The following DLG2 variants were observed in gnomAD, a reference collection of about 807,000 sequenced individuals.
The protein encoded by DLG2 is discs large MAGUK scaffold protein 2.
Under a neutral mutation model 132.5 loss-of-function variants are expected in DLG2, and 45 were observed. That is an observed-to-expected ratio of 0.34 (90% CI 0.27 to 0.44). The LOEUF is 0.44. DLG2 is among the 20% of genes least tolerant of loss of function. The pLI is 1.00. For missense variants in DLG2, 1,045 were observed against 1,196.9 expected, an observed-to-expected ratio of 0.87 and a Z score of 1.87; for synonymous variants, 424 against 419.6, an observed-to-expected ratio of 1.01 and a Z score of -0.13.
In DLG2 at chr11:84,823,456, T is replaced by C. The variant is rs796599395; in HGVS notation, c.357+288205A>G. Among the ~76,000 whole-genome samples, 209 of 151,844 alleles carry C rather than the reference T, an allele frequency of 1.4e-3. 4 individuals carry two copies. The highest frequency in any genetic ancestry group is 4.8e-3 in the African/African-American group (198 of 41,478). ...CAGCCTCTAACCTTTTTACTTGCTA[T>C]TCCCTCTACTTTCTCCTAGGTAATA... is the stretch of plus-strand genomic sequence containing the variant. On this transcript the variant is annotated intron_variant, in intron 6 of 27. Transcript: ENST00000376104.
At chr11:85,397,110 C>T (rs981969729) in intron 3 of DLG2, among the ~76,000 whole-genome samples, 63 of 152,208 alleles carry the variant, frequency 4.1e-4, no homozygotes, top group Non-Finnish European at 1.8e-4. Flanking sequence ...CAGAAGAGAG[C>T]AGGGGCCAAT....
intron 6 of DLG2, among the ~76,000 whole-genome samples, chr11:84,949,099 A>C (rs539191077): frequency 6.6e-6 from 1 of 152,286 alleles, no homozygotes; most frequent in East Asian, 1.9e-4. Flanking sequence ...TTGAGAAATA[A>C]AGGGACAGAG....
chr11:83,731,201 T>C (rs1200753636), intron 18 of DLG2, among the ~76,000 whole-genome samples: 2 of 152,194 alleles, frequency 1.3e-5, no homozygotes, highest in Non-Finnish European at 2.9e-5. Flanking sequence ...ACATGTGCCA[T>C]GGTGTTTTGC....
At chr11:83,875,790 T>C (rs1345503538) in intron 15 of DLG2, among the ~76,000 whole-genome samples, 1 of 152,130 alleles carries the variant, frequency 6.6e-6, no homozygotes, top group Non-Finnish European at 1.5e-5. Flanking sequence ...CCACAGAGAA[T>C]CAAACTACAG....
intron 6 of DLG2, among the ~76,000 whole-genome samples, chr11:84,928,370 T>A (rs1283599324): frequency 1.3e-5 from 2 of 151,942 alleles, no homozygotes; most frequent in African/African-American, 4.8e-5. Flanking sequence ...TGCCACAGAG[T>A]ATTCCTCTGT....
chr11:83,601,699 T>C (rs1324871564), intron 19 of DLG2, among the ~76,000 whole-genome samples: 2 of 139,478 alleles, frequency 1.4e-5, no homozygotes, highest in African/African-American at 5.7e-5. Context: ...TATTTCTTTC[T>C]TTTTTTTTTT....
intron 18 of DLG2, among the ~76,000 whole-genome samples, chr11:83,718,358 G>T (rs111362558): frequency 3.3e-5 from 5 of 152,048 alleles, no homozygotes; most frequent in African/African-American, 1.2e-4. Context: ...CCAAGATGGT[G>T]AAACTCTGTC....
At chr11:84,824,337 G>A (rs987839700) in intron 6 of DLG2, among the ~76,000 whole-genome samples, 4 of 151,852 alleles carry the variant, frequency 2.6e-5, no homozygotes, top group Non-Finnish European at 4.4e-5. Context: ...TAAGAGAAGA[G>A]AACAATGTTA....
intron 7 of DLG2, among the ~76,000 whole-genome samples, chr11:84,328,643 G>A (rs1025067542): frequency 6.9e-5 from 10 of 145,352 alleles, no homozygotes; most frequent in African/African-American, 1.5e-4. Flanking sequence ...TTTATCAAAC[G>A]GTTAAAAAAA....
chr11:84,197,528 T>C (rs752842975), intron 8 of DLG2, among the ~76,000 whole-genome samples: 1 of 152,038 alleles, frequency 6.6e-6, no homozygotes. Context: ...ACAAATCAAA[T>C]ACAAATCACT....
At chr11:84,888,574 C>T (rs1365236670) in intron 6 of DLG2, among the ~76,000 whole-genome samples, 1 of 152,054 alleles carries the variant, frequency 6.6e-6, no homozygotes, top group Admixed American at 6.6e-5. Flanking sequence ...ATCTCTTTCT[C>T]TCCTTTTTAT....
intron 3 of DLG2, among the ~76,000 whole-genome samples, chr11:85,416,646 G>A (rs77210324): frequency 6.6e-6 from 1 of 152,098 alleles, no homozygotes; most frequent in African/African-American, 2.4e-5. Flanking sequence ...TCTCCTTGAA[G>A]AGGTCCTTCC....
At chr11:85,399,044 C>G (rs979962287) in intron 3 of DLG2, among the ~76,000 whole-genome samples, 12 of 152,098 alleles carry the variant, frequency 7.9e-5, no homozygotes, top group Non-Finnish European at 1.8e-4. Context: ...TTGTCTCAGC[C>G]CAAAATCTCC....
chr11:83,588,169 C>A (rs2097124929), intron 19 of DLG2, among the ~76,000 whole-genome samples: 1 of 151,826 alleles, frequency 6.6e-6, no homozygotes, highest in Admixed American at 6.6e-5. Context: ...GTAGGCTCCA[C>A]CTCTGGGGGC....
chr11:84,145,507 GTTGTA>G (rs1175682104), intron 9 of DLG2, among the ~76,000 whole-genome samples: 3 of 152,198 alleles, frequency 2.0e-5, no homozygotes, highest in Non-Finnish European at 2.9e-5. Context: ...TGGGACCACT[GTTGTA>G]TAGGCAGTTT....
intron 3 of DLG2, among the ~76,000 whole-genome samples, chr11:85,450,724 A>G (rs2092208580): frequency 6.6e-6 from 1 of 152,190 alleles, no homozygotes; most frequent in South Asian, 2.1e-4. Context: ...TCGCACAAAG[A>G]TAAAACTTAG....
At chr11:84,136,845 G>T (rs1337803646) in intron 9 of DLG2, among the ~76,000 whole-genome samples, 1 of 152,126 alleles carries the variant, frequency 6.6e-6, no homozygotes, top group Non-Finnish European at 1.5e-5. Flanking sequence ...GGAGCTGAAA[G>T]ATCTATTGCA....
intron 6 of DLG2, among the ~76,000 whole-genome samples, chr11:85,097,888 C>A (rs1006706017): frequency 2.6e-5 from 4 of 152,184 alleles, no homozygotes; most frequent in African/African-American, 9.7e-5. Flanking sequence ...CCTTACTCTG[C>A]ATGCAATATT....
chr11:83,670,381 G>GA (rs35550650), intron 18 of DLG2, among the ~76,000 whole-genome samples: 66,352 of 149,076 alleles, frequency 0.45, 15,818 homozygotes, highest in African/African-American at 0.63. Context: ...TGGACATACA[G>GA]AAAAAAAAAA....
Sources: allele counts gnomAD v4.1 joint callset (sites outside exome capture counted in the v4.1 genomes callset), GRCh38; gene constraint gnomAD v4.1.1; transcripts MANE v1.5; gene names NCBI Gene and HGNC (gene_info 2026-07-23, HGNC 2026-07-21).